The following DENND1A variants were observed in gnomAD, a reference collection of about 807,000 sequenced individuals.
DENND1A encodes DENN domain containing 1A, also known as DENN domain-containing protein 1A.
Under a neutral mutation model 113.7 loss-of-function variants are expected in DENND1A, and 51 were observed. The observed-to-expected ratio is 0.45, with a 90% confidence interval of 0.36 to 0.57. The LOEUF is 0.57. Ranked by LOEUF, DENND1A falls within the 20% of genes least tolerant of loss-of-function variation. The pLI is 0.00. For missense variants in DENND1A, 1,258 were observed against 1,395.9 expected (o/e 0.90, Z 1.57); for synonymous variants, 565 against 570.8 (o/e 0.99, Z 0.14).
At chr9:123,756,943 G>A (rs2070609916) in intron 5 of DENND1A, among the ~76,000 whole-genome samples, 1 of 152,198 alleles carries the variant, frequency 6.6e-6, no homozygotes, top group Non-Finnish European at 1.5e-5. Flanking sequence ...TGAGCAGAGA[G>A]AGACAGGAGG....
chr9:123,863,869 G>A (rs1187677853), intron 2 of DENND1A, among the ~76,000 whole-genome samples: 1 of 151,846 alleles, frequency 6.6e-6, no homozygotes, highest in Non-Finnish European at 1.5e-5. Flanking sequence ...TATATCCGAA[G>A]ATCCTGACTT....
At chr9:123,743,104 T>C (rs1320034920) in intron 5 of DENND1A, among the ~76,000 whole-genome samples, 1 of 151,322 alleles carries the variant, frequency 6.6e-6, no homozygotes, top group African/African-American at 2.4e-5. Flanking sequence ...GTATGTCCAT[T>C]AAAAAAAAAT....
chr9:123,728,478 CCAAAAAAAAAAAAA>C, intron 5 of DENND1A, among the ~76,000 whole-genome samples: 1 of 26,694 alleles, frequency 3.7e-5, no homozygotes, highest in African/African-American at 2.7e-4. Context: ...ACTCTGTCTC[CCAAAAAAAAAAAAA>C]AAAAAAAAAA....
chr9:123,807,316 C>T (rs143323847), intron 2 of DENND1A, among the ~76,000 whole-genome samples: 1 of 152,230 alleles, frequency 6.6e-6, no homozygotes, highest in Admixed American at 6.5e-5. Flanking sequence ...TACATTACAA[C>T]AGTTTATAAT....
At chr9:123,636,792 C>T (rs953477473) in intron 9 of DENND1A, among the ~76,000 whole-genome samples, 9 of 150,752 alleles carry the variant, frequency 6.0e-5, no homozygotes, top group Non-Finnish European at 1.2e-4. Flanking sequence ...CCTCTGCCTG[C>T]CAGGTTCAAC....
intron 5 of DENND1A, among the ~76,000 whole-genome samples, chr9:123,688,094 C>T (rs1054134152): frequency 6.6e-6 from 1 of 152,206 alleles, no homozygotes. Flanking sequence ...AGGAGCATTA[C>T]ATGCCTTTGC....
intron 11 of DENND1A, among the ~76,000 whole-genome samples, chr9:123,597,921 T>C (rs2059767661): frequency 6.6e-6 from 1 of 152,196 alleles, no homozygotes; most frequent in Non-Finnish European, 1.5e-5. Flanking sequence ...CGTATCAGCC[T>C]GGCTGCCAGA....
At chr9:123,493,341 C>T (rs772653447) in intron 13 of DENND1A, among the ~76,000 whole-genome samples, 2 of 152,132 alleles carry the variant, frequency 1.3e-5, no homozygotes, top group Non-Finnish European at 2.9e-5. Context: ...CTTTGTGAAT[C>T]GATTCTTTGC....
intron 1 of DENND1A, among the ~76,000 whole-genome samples, chr9:123,914,039 G>C (rs1207832897): frequency 6.6e-6 from 1 of 151,808 alleles, no homozygotes; most frequent in Non-Finnish European, 1.5e-5. Context: ...AACAGAAATG[G>C]CATCGATAGG....
chr9:123,713,879 G>A lies in DENND1A; in HGVS notation c.303-37090C>T, dbSNP rs549026224. On this transcript the variant is annotated intron_variant, in intron 5 of 23. Transcript: ENST00000394215. ...CAAGGTCATATAGTTTATGAAAGACGGGGCTGAGATTTGACTCTAGATCTG... is the reference window on the plus strand; with the variant it reads ...CAAGGTCATATAGTTTATGAAAGACAGGGCTGAGATTTGACTCTAGATCTG... 6.6e-5 allele frequency among the ~76,000 whole-genome samples: 10 copies of A among 152,108 alleles called. 1 individual carries two copies. In the South Asian group the frequency reaches 1.9e-3, roughly 28 times the overall value.
intron 16 of DENND1A, among the ~76,000 whole-genome samples, chr9:123,452,655 G>A (rs2047819312): frequency 6.6e-6 from 1 of 152,074 alleles, no homozygotes; most frequent in African/African-American, 2.4e-5. Context: ...ATCACAGGCT[G>A]CCTAAGGCAA....
At chr9:123,887,564 C>CATGT (rs1340432105) in intron 1 of DENND1A, among the ~76,000 whole-genome samples, 1 of 151,716 alleles carries the variant, frequency 6.6e-6, no homozygotes, top group Non-Finnish European at 1.5e-5. Context: ...GGGTGAGGAG[C>CATGT]ATGTCTAAGC....
intron 2 of DENND1A, among the ~76,000 whole-genome samples, chr9:123,822,702 C>T (rs962153107): frequency 6.6e-6 from 1 of 152,222 alleles, no homozygotes; most frequent in African/African-American, 2.4e-5. Flanking sequence ...ACACCTACTA[C>T]ATAAACACAT....
chr9:123,481,759 C>G (rs1588745668), intron 13 of DENND1A, among the ~76,000 whole-genome samples: 1 of 151,316 alleles, frequency 6.6e-6, no homozygotes, highest in South Asian at 2.1e-4. Flanking sequence ...TTTAGGAAAG[C>G]TGTAATTCAA....
intron 2 of DENND1A, among the ~76,000 whole-genome samples, chr9:123,868,078 G>A (rs1189788999): frequency 6.6e-6 from 1 of 152,180 alleles, no homozygotes; most frequent in African/African-American, 2.4e-5. Flanking sequence ...TCAGTGTTAA[G>A]AGCCAGTAAA....
intron 18 of DENND1A, among the ~76,000 whole-genome samples, chr9:123,450,156 C>G (rs1204193442): frequency 6.6e-6 from 1 of 152,128 alleles, no homozygotes; most frequent in Non-Finnish European, 1.5e-5. Context: ...CCCTCCCCTC[C>G]CCACTCAGAG....
rs1302222247 is a variant in DENND1A at position 123,782,035 on chromosome 9, AC to A, written c.132+10551del. On this transcript the variant is annotated intron_variant, in intron 3 of 23. Coordinates refer to ENST00000394215, the MANE Select transcript of DENND1A (RefSeq NM_001352964.2). ...CAGTGAGCCAAGATCACACCACTGT[AC>A]ATTAGCCTGGGTGACTGGGTAAGAC... Among the ~76,000 whole-genome samples, 8 of 152,288 alleles carry A rather than the reference AC, an allele frequency of 5.3e-5. No homozygotes were observed. The East Asian group carries it at 1.5e-3, about 29-fold the overall frequency.
intron 5 of DENND1A, among the ~76,000 whole-genome samples, chr9:123,727,192 C>T (rs1360304177): frequency 6.6e-6 from 1 of 152,108 alleles, no homozygotes; most frequent in Non-Finnish European, 1.5e-5. Context: ...ATGAGAGTAC[C>T]AGCTGCTCTT....
chr9:123,397,849 G>T (rs755283281), intron 21 of DENND1A, among the ~76,000 whole-genome samples: 1 of 152,214 alleles, frequency 6.6e-6, no homozygotes, highest in African/African-American at 2.4e-5. Context: ...GGCCAGAGAA[G>T]TGAGCTGGGC....
Sources: gnomAD v4.1 joint callset for allele counts (sites outside exome capture counted in the v4.1 genomes callset) on GRCh38, gnomAD v4.1.1 for gene constraint, MANE v1.5 for transcripts, NCBI Gene and HGNC (gene_info 2026-07-23, HGNC 2026-07-21) for gene names.